Variants in DDX42 observed in about 807,000 individuals in gnomAD.
DDX42 encodes the protein DEAD-box helicase 42.
In DDX42, 22 loss-of-function variants were observed where a neutral mutation model predicts 101.5. The ratio of observed to expected loss-of-function variants is 0.22; its 90% CI spans 0.15 to 0.31. The LOEUF is 0.31. DDX42 is among the 10% of genes least tolerant of loss of function. The pLI, the probability that DDX42 is intolerant of heterozygous loss-of-function variation, is 1.00. For missense variants in DDX42, 849 were observed against 1,199.9 expected (o/e 0.71, Z 4.32); for synonymous variants, 402 against 401.2 (o/e 1.00, Z -0.02).
chr17:63,800,984 C>T (rs1215634068), intron 6 of DDX42, among the ~76,000 whole-genome samples: 1 of 72,406 alleles, frequency 1.4e-5, no homozygotes. Flanking sequence ...TTTCTTTCTC[C>T]CTTTCTCTTT....
chr17:63,797,001 A>G (rs956755675), intron 3 of DDX42, among the ~76,000 whole-genome samples: 1 of 152,210 alleles, frequency 6.6e-6, no homozygotes, highest in African/African-American at 2.4e-5. Flanking sequence ...CAGAATGTGT[A>G]TAAAGCCTTG....
chr17:63,790,444 G>A (rs577540867), intron 2 of DDX42, among the ~76,000 whole-genome samples: 63 of 152,164 alleles, frequency 4.1e-4, no homozygotes, highest in Admixed American at 1.8e-3. Context: ...GGACAACATG[G>A]TGAAACCCCG....
At chr17:63,804,469 G>A (rs568701397) in intron 6 of DDX42, among the ~76,000 whole-genome samples, 1 of 152,242 alleles carries the variant, frequency 6.6e-6, no homozygotes, top group Admixed American at 6.5e-5. Flanking sequence ...AAACAGAATA[G>A]AACTCCCTCT....
intron 16 of DDX42, among the ~76,000 whole-genome samples, chr17:63,816,416 A>G (rs1176736882): frequency 6.6e-6 from 1 of 152,238 alleles, no homozygotes; most frequent in East Asian, 1.9e-4. Context: ...TTAATCTTCA[A>G]AATAACTGAA....
At chr17:63,816,534 C>A (rs550648768) in intron 16 of DDX42, 1 of 180,664 alleles carries the variant, frequency 5.5e-6, no homozygotes, top group East Asian at 1.6e-4. Flanking sequence ...TGAGCAGTCA[C>A]ACAATATGCT....
In DDX42 at chr17:63,808,953, G is replaced by A; in HGVS notation, c.1152+5G>A. The A allele has an allele frequency of 6.2e-7, 1 of 1,612,034 alleles. No individual in the cohort carries two copies. On this transcript the variant is annotated splice_donor_5th_base_variant and intron_variant, in intron 10 of 17. Transcript: ENST00000389924. ...GAGATTGTTGTGTGTACCCCAGTAA[G>A]TATGCCTTGTGTTTAAATGGCTTCT...
intron 6 of DDX42, among the ~76,000 whole-genome samples, 165 bp downstream of exon 6, chr17:63,800,782 C>T (rs1396555911): frequency 6.6e-6 from 1 of 152,202 alleles, no homozygotes; most frequent in South Asian, 2.1e-4. Flanking sequence ...GCTTTATAGC[C>T]TGTTTTGTTC....
chr17:63,806,792 A>C, intron 8 of DDX42, 138 bp downstream of exon 8: 1 of 891,454 alleles, frequency 1.1e-6, no homozygotes. Flanking sequence ...ATCACTCTTA[A>C]GAAGTCACTA....
rs185518310 is a variant in DDX42 at position 63,803,960 on chromosome 17, A to G, written c.622-1111A>G. ...CCACTGCTCCAGGCCTGGAGGCAAG[A>G]ATTTCTTATAGGCTTAAATAAAACC... is the stretch of plus-strand genomic sequence containing the variant. On this transcript the variant is annotated intron_variant, in intron 6 of 17. Coordinates refer to ENST00000389924, the MANE Select transcript of DDX42 (RefSeq NM_203499.3). 1.6e-3 allele frequency among the ~76,000 whole-genome samples: 245 copies of G among 152,268 alleles called. 2 individuals are homozygous for G. Among genetic ancestry groups the G allele is most frequent in the Non-Finnish European group, 6.9e-4 (47 of 68,018 alleles).
chr17:63,783,560 A>T (rs937041355), intron 1 of DDX42, among the ~76,000 whole-genome samples: 4 of 152,198 alleles, frequency 2.6e-5, no homozygotes, highest in African/African-American at 4.8e-5. Context: ...AAATTTCATC[A>T]CACTGGAATT....
intron 6 of DDX42, among the ~76,000 whole-genome samples, chr17:63,802,770 C>G (rs1194856309): frequency 1.3e-5 from 2 of 151,846 alleles, no homozygotes; most frequent in African/African-American, 4.8e-5. Context: ...ATTAGCCAGG[C>G]ATGGTGGTGC....
At chr17:63,816,643 C>A (rs951819805) in intron 16 of DDX42, 8 of 382,424 alleles carry the variant, frequency 2.1e-5, no homozygotes, top group Non-Finnish European at 3.7e-5. Flanking sequence ...GATTGCATTT[C>A]TGTTTAATAG....
intron 16 of DDX42, 26 bp downstream of exon 16, chr17:63,815,699 C>A: frequency 2.7e-6 from 4 of 1,458,006 alleles, no homozygotes; most frequent in Admixed American, 1.9e-5. Context: ...TACAGTAGTG[C>A]CTTTATAGTT....
At chr17:63,789,571 G>GTTTTTTTTTTTTTTTTTT (rs538515067) in intron 2 of DDX42, among the ~76,000 whole-genome samples, 2 of 45,676 alleles carry the variant, frequency 4.4e-5, no homozygotes, top group Non-Finnish European at 4.2e-5. Context: ...TTTTGTTTTT[G>GTTTTTTTTTTTTTTTTTT]TTTTTTTTTT....
At chr17:63,813,986 C>T (rs966590157) in intron 15 of DDX42, among the ~76,000 whole-genome samples, 13 of 152,022 alleles carry the variant, frequency 8.6e-5, no homozygotes, top group African/African-American at 3.1e-4. Context: ...ATTACAGGCG[C>T]CCACCACCAC....
chr17:63,800,918 TTCCTTC>T (rs2039757292), intron 6 of DDX42, among the ~76,000 whole-genome samples: 1 of 25,962 alleles, frequency 3.9e-5, no homozygotes. Context: ...TTTTCTTTCC[TTCCTTC>T]CTTTCTTTCT....
chr17:63,783,202 ACTC>A (rs1567729402), intron 1 of DDX42, among the ~76,000 whole-genome samples: 1 of 152,026 alleles, frequency 6.6e-6, no homozygotes, highest in African/African-American at 2.4e-5. Flanking sequence ...TGCACTGTCT[ACTC>A]CTTGAGAACA....
chr17:63,810,112 CAG>C (rs1422169173), intron 11 of DDX42, among the ~76,000 whole-genome samples: 1 of 152,060 alleles, frequency 6.6e-6, no homozygotes, highest in African/African-American at 2.4e-5. Flanking sequence ...TTTCTTGAGA[CAG>C]AGTTTTGCTT....
rs540906906 is a variant in DDX42 at position 63,789,299 on chromosome 17, G to A, written c.221+2029G>A. Among the ~76,000 whole-genome samples the A allele has an allele frequency of 1.3e-4, 19 of 151,018 alleles. No homozygotes were observed. The South Asian group carries it at 2.5e-3, about 20-fold the overall frequency. On this transcript the variant is annotated intron_variant, in intron 2 of 17. Coordinates refer to ENST00000389924, the MANE Select transcript of DDX42 (RefSeq NM_203499.3). ...TCACCAGGTTGGCCAGGCTGGCCTCGAACTCCTGACCTCAGGTGATCCACC... is the reference window on the plus strand; with the variant it reads ...TCACCAGGTTGGCCAGGCTGGCCTCAAACTCCTGACCTCAGGTGATCCACC...
Sources: allele counts gnomAD v4.1 joint callset (sites outside exome capture counted in the v4.1 genomes callset), GRCh38; gene constraint gnomAD v4.1.1; transcripts MANE v1.5; gene names NCBI Gene and HGNC (gene_info 2026-07-23, HGNC 2026-07-21).